MYLK: variants seen among roughly 807,000 people sequenced by gnomAD.
MYLK encodes the protein myosin light chain kinase, smooth muscle.
In MYLK, 106 loss-of-function variants were observed where a neutral mutation model predicts 203.4. The observed-to-expected ratio is 0.52, with a 90% CI of 0.45 to 0.61. The LOEUF is 0.61. Ranked by LOEUF, MYLK falls within the 20% of genes least tolerant of loss-of-function variation. MYLK has a pLI of 0.00. For missense variants in MYLK, 2,072 were observed against 2,442.3 expected, an observed-to-expected ratio of 0.85 and a Z score of 3.20; for synonymous variants, 867 against 959.5, an observed-to-expected ratio of 0.90 and a Z score of 1.78.
intron 24 of MYLK, among the ~76,000 whole-genome samples, chr3:123,651,736 G>A (rs2059218123): frequency 6.6e-6 from 1 of 152,198 alleles, no homozygotes; most frequent in Non-Finnish European, 1.5e-5. Context: ...GCCCCTGCCT[G>A]TCACTGTGAG....
intron 9 of MYLK, chr3:123,734,456 C>T (rs1029146363): frequency 1.1e-5 from 5 of 466,184 alleles, no homozygotes; most frequent in Non-Finnish European, 1.9e-5. Context: ...CAGAGCCCTG[C>T]TTTCCCTACA....
In MYLK at chr3:123,841,962, T is replaced by C. The variant is rs58632708; in HGVS notation, c.-126-10292A>G. Among the ~76,000 whole-genome samples the C allele has an allele frequency of 6.5e-4, 99 of 152,300 alleles. No homozygotes were observed. In the East Asian group the frequency reaches 0.019, roughly 29 times the overall value. On this transcript the variant is annotated intron_variant, in intron 2 of 33. Transcript: ENST00000360304. ...TGTTGTGGTAGATTATCTCCCATCA[T>C]GGCCATCAGCAATTCATCCATCCAG...
intron 4 of MYLK, among the ~76,000 whole-genome samples, chr3:123,787,529 T>A (rs955698855): frequency 2.6e-5 from 4 of 152,132 alleles, no homozygotes; most frequent in Admixed American, 2.6e-4. Context: ...ATGGCAGGCA[T>A]TCATCTTATT....
chr3:123,748,886 TGG>T (rs1189416423), intron 5 of MYLK, among the ~76,000 whole-genome samples: 1 of 152,004 alleles, frequency 6.6e-6, no homozygotes, highest in Non-Finnish European at 1.5e-5. Context: ...TTGGCCAACA[TGG>T]TGAGGCCCCA....
intron 4 of MYLK, among the ~76,000 whole-genome samples, chr3:123,766,079 A>C (rs1455651514): frequency 6.6e-6 from 1 of 152,250 alleles, no homozygotes; most frequent in Non-Finnish European, 1.5e-5. Flanking sequence ...ATTTCATTTC[A>C]TGTGTATTTA....
At position 123,618,646 on chromosome 3, in the gene MYLK, C is replaced by G. The variant is rs1214755818; in HGVS notation, c.5493G>C (p.Lys1831Asn). Residue 1831 changes from lysine (K) to asparagine (N), a missense_variant, in exon 33 of 34, where the codon AAG (lysine) becomes AAC (asparagine). Coordinates refer to ENST00000360304, the MANE Select transcript of MYLK (RefSeq NM_053025.4). ...AGCACAGCTACAACTTACCTTCAAT[C>G]TTGCAGTCAAATCTAGCAGCACTTC... is the stretch of plus-strand genomic sequence containing the variant. The part of the protein sequence containing the change: ...VEGSAARFDC[K>N]IEGYPDPEVV... 2 of 1,614,078 alleles carry G rather than the reference C, an allele frequency of 1.2e-6. No individual in the cohort carries two copies. The highest frequency in any genetic ancestry group is 1.1e-5 in the South Asian group (1 of 91,080).
intron 4 of MYLK, among the ~76,000 whole-genome samples, chr3:123,759,018 T>C (rs1475498347): frequency 6.6e-6 from 1 of 152,138 alleles, no homozygotes; most frequent in Non-Finnish European, 1.5e-5. Flanking sequence ...AGAAATGGGG[T>C]CTTTCCATGT....
chr3:123,667,196 A>C lies in MYLK; in HGVS notation c.3653-9T>G. ...TTTCACAGTCGCATCACCTGAAACA[A>C]AGAAGTTCACAAGTTATTTCCTGTA... On this transcript the variant is annotated splice_polypyrimidine_tract_variant and intron_variant, in intron 20 of 33. Transcript: ENST00000360304. 2 of 1,612,880 alleles carry C rather than the reference A, an allele frequency of 1.2e-6. No homozygotes were observed. The highest frequency in any genetic ancestry group is 1.7e-6 in the Non-Finnish European group (2 of 1,179,058).
At chr3:123,656,670 C>T (rs1339525701) in intron 24 of MYLK, among the ~76,000 whole-genome samples, 1 of 152,120 alleles carries the variant, frequency 6.6e-6, no homozygotes, top group African/African-American at 2.4e-5. Context: ...TTTTTTTACC[C>T]AGCTATAATA....
At chr3:123,806,647 CTAAGA>C (rs1345113600) in intron 3 of MYLK, among the ~76,000 whole-genome samples, 1 of 152,012 alleles carries the variant, frequency 6.6e-6, no homozygotes, top group Non-Finnish European at 1.5e-5. Context: ...TCACAACATA[CTAAGA>C]TATTATTTAT....
At chr3:123,773,421 A>C (rs1049142522) in intron 4 of MYLK, among the ~76,000 whole-genome samples, 2 of 152,266 alleles carry the variant, frequency 1.3e-5, no homozygotes, top group Admixed American at 1.3e-4. Flanking sequence ...AAAAAATTTA[A>C]AAATTTTACT....
chr3:123,767,418 C>A (rs888225370), intron 4 of MYLK, among the ~76,000 whole-genome samples: 4 of 152,136 alleles, frequency 2.6e-5, no homozygotes, highest in African/African-American at 4.8e-5. Flanking sequence ...ACCAGCCTGT[C>A]CAAAATGAAG....
At chr3:123,697,301 C>T (rs1015809582) in intron 18 of MYLK, among the ~76,000 whole-genome samples, 50 of 152,276 alleles carry the variant, frequency 3.3e-4, no homozygotes, top group South Asian at 1.7e-3. Flanking sequence ...TTTGAGACAA[C>T]GCACTCTCCT....
At chr3:123,740,465 A>G (rs1360888471) in intron 5 of MYLK, among the ~76,000 whole-genome samples, 1 of 152,242 alleles carries the variant, frequency 6.6e-6, no homozygotes, top group African/African-American at 2.4e-5. Context: ...CCTATCTCTT[A>G]CCACACCTAC....
At chr3:123,728,287 G>C (rs1442773205) in intron 11 of MYLK, among the ~76,000 whole-genome samples, 8 of 152,298 alleles carry the variant, frequency 5.3e-5, no homozygotes, top group Non-Finnish European at 8.8e-5. Flanking sequence ...AGGACTGCTT[G>C]AGCCAGAAGT....
At chr3:123,734,972 TTAAGCCCTC>T in intron 9 of MYLK, 2 of 304,968 alleles carry the variant, frequency 6.6e-6, no homozygotes, top group Non-Finnish European at 1.3e-5. Flanking sequence ...TTCGTGTGGT[TTAAGCCCTC>T]CTCTACGCCC....
At chr3:123,678,292 T>C (rs923641443) in intron 20 of MYLK, among the ~76,000 whole-genome samples, 25 of 152,112 alleles carry the variant, frequency 1.6e-4, no homozygotes, top group Middle Eastern at 3.4e-3. Flanking sequence ...GTTATCATTT[T>C]CTCTCCAGCC....
intron 3 of MYLK, among the ~76,000 whole-genome samples, chr3:123,822,759 C>T (rs993377360): frequency 6.6e-6 from 1 of 152,190 alleles, no homozygotes; most frequent in African/African-American, 2.4e-5. Flanking sequence ...TATCAGTAGC[C>T]TCTTCTGCCT....
intron 16 of MYLK, among the ~76,000 whole-genome samples, chr3:123,707,275 C>A (rs1441376485): frequency 2.0e-5 from 3 of 152,232 alleles, no homozygotes; most frequent in African/African-American, 7.2e-5. Flanking sequence ...CAGTGTCCGT[C>A]AGGCCTTCAG....
Sources: allele counts gnomAD v4.1 joint callset (sites outside exome capture counted in the v4.1 genomes callset), GRCh38; gene constraint gnomAD v4.1.1; transcripts MANE v1.5; gene names NCBI Gene and HGNC (gene_info 2026-07-23, HGNC 2026-07-21).